Variants in GRIP1 observed in about 807,000 individuals in gnomAD.
GRIP1 encodes the protein glutamate receptor interacting protein 1, also known as glutamate receptor-interacting protein 1.
GRIP1 carries 45 observed loss-of-function variants against 129.9 expected under a neutral mutation model. The observed-to-expected ratio is 0.35, with a 90% CI of 0.27 to 0.44. GRIP1 has a LOEUF of 0.44. GRIP1 is among the 20% of genes least tolerant of loss of function. GRIP1 has a pLI of 1.00. For missense variants in GRIP1, 1,196 were observed against 1,396.8 expected (o/e 0.86, Z 2.29); for synonymous variants, 530 against 520.8 (o/e 1.02, Z -0.24).
At chr12:66,827,144 G>C (rs2137004262) in intron 1 of GRIP1, among the ~76,000 whole-genome samples, 1 of 152,180 alleles carries the variant, frequency 6.6e-6, no homozygotes, top group East Asian at 1.9e-4. Context: ...CAGTTTCTGT[G>C]GGTCCGGAGT....
At chr12:66,807,445 A>G (rs1000069140), upstream of GRIP1, among the ~76,000 whole-genome samples, 1 of 152,076 alleles carries the variant, frequency 6.6e-6, no homozygotes, top group African/African-American at 2.4e-5. Context: ...AGGCCGAGGC[A>G]GGTGGATCAA....
chr12:66,380,056 C>T (rs1283545426), intron 19 of GRIP1, among the ~76,000 whole-genome samples: 8 of 151,880 alleles, frequency 5.3e-5, no homozygotes, highest in Non-Finnish European at 1.0e-4. Context: ...CAGGAGTGCA[C>T]CACCACACCC....
At chr12:66,966,119 T>C (rs1776076035) in intron 1 of GRIP1, among the ~76,000 whole-genome samples, 1 of 152,182 alleles carries the variant, frequency 6.6e-6, no homozygotes, top group Non-Finnish European at 1.5e-5. Flanking sequence ...GACACTGTTG[T>C]TCTTGCATAT....
intron 1 of GRIP1, among the ~76,000 whole-genome samples, chr12:66,770,817 G>A (rs181172559): frequency 2.6e-5 from 4 of 152,208 alleles, no homozygotes; most frequent in South Asian, 2.1e-4. Context: ...AGCAGTTGGC[G>A]GGGTGCAGTG....
chr12:66,612,904 G>T (rs1480058731), intron 1 of GRIP1, among the ~76,000 whole-genome samples: 1 of 152,076 alleles, frequency 6.6e-6, no homozygotes, highest in East Asian at 1.9e-4. Flanking sequence ...ATTTTTAAAA[G>T]AATGTTCTTC....
chr12:67,008,725 A>G (rs1390595649), intron 1 of GRIP1, among the ~76,000 whole-genome samples: 2 of 152,192 alleles, frequency 1.3e-5, no homozygotes, highest in Non-Finnish European at 2.9e-5. Flanking sequence ...GTGCTAGCAC[A>G]GTGTTCAAAC....
intron 1 of GRIP1, among the ~76,000 whole-genome samples, chr12:66,884,992 G>GTT (rs2040541150): frequency 6.6e-6 from 1 of 152,152 alleles, no homozygotes. Flanking sequence ...ATTTTCCCTT[G>GTT]TAAGAGCTGG....
At chr12:66,975,814 T>C (rs2042142603) in intron 1 of GRIP1, among the ~76,000 whole-genome samples, 1 of 152,160 alleles carries the variant, frequency 6.6e-6, no homozygotes. Flanking sequence ...TTTTGGTCTG[T>C]AGTAGTCAAT....
chr12:67,012,166 A>G (rs1565638310), intron 1 of GRIP1, among the ~76,000 whole-genome samples: 1 of 152,220 alleles, frequency 6.6e-6, no homozygotes, highest in Non-Finnish European at 1.5e-5. Context: ...CTGTGGATCA[A>G]TAAGTACAAG....
chr12:66,501,096 T>C (rs899733803), intron 7 of GRIP1, among the ~76,000 whole-genome samples: 1 of 152,148 alleles, frequency 6.6e-6, no homozygotes, highest in African/African-American at 2.4e-5. Flanking sequence ...TGTTACTGTA[T>C]TGAGCAACTG....
At chr12:66,490,856 A>G (rs551913829) in intron 7 of GRIP1, among the ~76,000 whole-genome samples, 1 of 152,378 alleles carries the variant, frequency 6.6e-6, no homozygotes, top group African/African-American at 2.4e-5. Flanking sequence ...AACATATGAA[A>G]AAAAGCTCCA....
chr12:66,363,388 G>A (rs1168348), intron 23 of GRIP1, among the ~76,000 whole-genome samples: 71,094 of 145,810 alleles, frequency 0.49, 17,799 homozygotes, highest in East Asian at 0.57. Flanking sequence ...CCACAGGTGC[G>A]TGCCACCACA....
intron 1 of GRIP1, among the ~76,000 whole-genome samples, chr12:66,862,447 A>C (rs2040128648): frequency 6.6e-6 from 1 of 152,120 alleles, no homozygotes; most frequent in Admixed American, 6.6e-5. Flanking sequence ...TTTCTGGGGC[A>C]CATTAATTAT....
At chr12:66,511,156 T>C (rs753093379) in intron 7 of GRIP1, among the ~76,000 whole-genome samples, 20 of 152,044 alleles carry the variant, frequency 1.3e-4, no homozygotes, top group Non-Finnish European at 2.5e-4. Context: ...TCTCATGAGA[T>C]CTGATGGTTT....
intron 16 of GRIP1, among the ~76,000 whole-genome samples, chr12:66,397,719 G>A (rs1026142562): frequency 6.6e-6 from 1 of 152,124 alleles, no homozygotes; most frequent in African/African-American, 2.4e-5. Flanking sequence ...ATGGGATGAT[G>A]CCTGGAATTT....
At chr12:67,045,940 A>T (rs1416859081) in intron 1 of GRIP1, among the ~76,000 whole-genome samples, 2 of 152,178 alleles carry the variant, frequency 1.3e-5, no homozygotes, top group African/African-American at 2.4e-5. Flanking sequence ...GATTCCTTAG[A>T]AGGGGAAATT....
At chr12:66,974,280 C>T (rs960385711) in intron 1 of GRIP1, among the ~76,000 whole-genome samples, 2 of 152,104 alleles carry the variant, frequency 1.3e-5, no homozygotes, top group Non-Finnish European at 2.9e-5. Context: ...AATCTCAACC[C>T]CCACTCCATA....
At chr12:66,710,368 T>C (rs1177427653) in intron 1 of GRIP1, among the ~76,000 whole-genome samples, 1 of 152,000 alleles carries the variant, frequency 6.6e-6, no homozygotes, top group Non-Finnish European at 1.5e-5. Flanking sequence ...TCTAAACCAT[T>C]CTCAACTGAG....
chr12:66,360,192 TCGACA>T (rs1565663380), intron 23 of GRIP1, among the ~76,000 whole-genome samples: 2 of 149,642 alleles, frequency 1.3e-5, no homozygotes, highest in Non-Finnish European at 1.5e-5. Flanking sequence ...TTTTTTTTTT[TCGACA>T]TGTAATCTCC....
Sources: gnomAD v4.1 joint callset for allele counts (sites outside exome capture counted in the v4.1 genomes callset) on GRCh38, gnomAD v4.1.1 for gene constraint, MANE v1.5 for transcripts, NCBI Gene and HGNC (gene_info 2026-07-23, HGNC 2026-07-21) for gene names.